Variants in DIRAS2 observed in about 807,000 individuals in gnomAD.
DIRAS2 encodes the protein GTP-binding protein Di-Ras2.
In DIRAS2, 5 loss-of-function variants were observed where a neutral mutation model predicts 13.9. The observed-to-expected ratio is 0.36, with a 90% CI of 0.19 to 0.76. The LOEUF (loss-of-function observed/expected upper bound fraction) is 0.76, where lower values mean the gene tolerates loss of function less well. Among genes scored for constraint, DIRAS2 ranks in the 30% least tolerant of loss-of-function variants. The pLI is 0.53. For synonymous variants in DIRAS2, 111 were observed against 105.4 expected (o/e 1.05, Z -0.33); for missense variants, 191 against 263.0 (o/e 0.73, Z 1.89).
At chr9:90,618,177 A>G (rs1825186632) in intron 1 of DIRAS2, among the ~76,000 whole-genome samples, 1 of 152,236 alleles carries the variant, frequency 6.6e-6, no homozygotes, top group African/African-American at 2.4e-5. Flanking sequence ...ACTCACGACA[A>G]GGATATAATA....
chr9:90,639,034 C>G (rs185283272), intron 1 of DIRAS2, among the ~76,000 whole-genome samples: 2 of 152,036 alleles, frequency 1.3e-5, no homozygotes, highest in Non-Finnish European at 2.9e-5. Context: ...AAAGTTCTTG[C>G]GTTCTTATTT....
At chr9:90,630,195 G>C (rs77173105) in intron 1 of DIRAS2, among the ~76,000 whole-genome samples, 2,752 of 152,200 alleles carry the variant, frequency 0.018, 43 homozygotes, top group Middle Eastern at 0.1. Context: ...CCCAATGTCA[G>C]GTACATCAGA....
chr9:90,625,065 G>A (rs1489660688), intron 1 of DIRAS2, among the ~76,000 whole-genome samples: 2 of 152,224 alleles, frequency 1.3e-5, no homozygotes, highest in African/African-American at 4.8e-5. Flanking sequence ...TTGGTCAAGG[G>A]ACTGGTGACC....
chr9:90,633,400 A>G (rs981980269), intron 1 of DIRAS2, among the ~76,000 whole-genome samples: 1 of 152,178 alleles, frequency 6.6e-6, no homozygotes, highest in Non-Finnish European at 1.5e-5. Context: ...TGCTGAGAGA[A>G]TCCTGGACAA....
intron 1 of DIRAS2, among the ~76,000 whole-genome samples, chr9:90,614,306 A>ATGCG: frequency 7.4e-6 from 1 of 134,918 alleles, no homozygotes; most frequent in South Asian, 2.7e-4. Flanking sequence ...GGTCATCATA[A>ATGCG]TGTGTGTGTG....
chr9:90,637,410 G>A (rs1825381187), intron 1 of DIRAS2, among the ~76,000 whole-genome samples: 3 of 152,170 alleles, frequency 2.0e-5, no homozygotes, highest in Non-Finnish European at 2.9e-5. Context: ...GAAAACTCCT[G>A]TAAATGGAAC....
chr9:90,627,251 C>A (rs943446174), intron 1 of DIRAS2, among the ~76,000 whole-genome samples: 16 of 152,070 alleles, frequency 1.1e-4, no homozygotes, highest in Non-Finnish European at 2.1e-4. Flanking sequence ...AACCATGAGC[C>A]AACTAAGCCT....
intron 1 of DIRAS2, among the ~76,000 whole-genome samples, chr9:90,638,006 T>A (rs2035077): frequency 0.56 from 85,269 of 152,054 alleles, 24,134 homozygotes; most frequent in Middle Eastern, 0.66. Flanking sequence ...ATGTTATCTA[T>A]TTTTAATTGT....
intron 1 of DIRAS2, among the ~76,000 whole-genome samples, chr9:90,641,513 C>T (rs1346315701): frequency 6.6e-6 from 1 of 152,160 alleles, no homozygotes; most frequent in African/African-American, 2.4e-5. Flanking sequence ...CTTCCTGTCC[C>T]CAGCCCACAA....
chr9:90,641,665 C>T (rs1825420581), intron 1 of DIRAS2, among the ~76,000 whole-genome samples: 1 of 152,138 alleles, frequency 6.6e-6, no homozygotes, highest in South Asian at 2.1e-4. Context: ...TCTCCCTCCC[C>T]CTCCACCTCC....
chr9:90,624,091 G>T (rs370984391), intron 1 of DIRAS2, among the ~76,000 whole-genome samples: 13 of 152,312 alleles, frequency 8.5e-5, no homozygotes, highest in African/African-American at 3.1e-4. Context: ...TCCGTGAAAT[G>T]TTATTAGCTT....
chr9:90,625,948 C>G (rs919059341), intron 1 of DIRAS2: 2 of 152,088 alleles, frequency 1.3e-5, no homozygotes, highest in African/African-American at 4.8e-5. Flanking sequence ...CTTTAGAAGA[C>G]TGGGGTGGAT....
intron 1 of DIRAS2, among the ~76,000 whole-genome samples, chr9:90,642,055 A>T (rs536213753): frequency 6.6e-6 from 1 of 152,224 alleles, no homozygotes; most frequent in African/African-American, 2.4e-5. Flanking sequence ...AAGAGGAAAA[A>T]CAGCATTTTT....
intron 1 of DIRAS2, among the ~76,000 whole-genome samples, chr9:90,632,971 T>C (rs535852876): frequency 1.3e-5 from 2 of 152,258 alleles, no homozygotes; most frequent in Admixed American, 6.5e-5. Flanking sequence ...CTCTCTGTTG[T>C]AGACGGATTA....
rs540186648 is a variant in DIRAS2, at chr9:90,612,173, AAC to A, written c.*1053_*1054del. Reference sequence around the variant, plus strand: ...TTTCCAATACAGATAGATCATCAAAAACACAGTGAATAACTTCTGTTTCAAAG... The same window carrying A: ...TTTCCAATACAGATAGATCATCAAAAACAGTGAATAACTTCTGTTTCAAAG... On this transcript the variant is annotated 3_prime_UTR_variant, in exon 2 of 2. Transcript: ENST00000375765. The A allele has an allele frequency of 1.3e-3, 199 of 152,788 alleles. No homozygotes were observed. Among genetic ancestry groups the A allele is most frequent in the African/African-American group, 4.6e-3 (190 of 41,596 alleles). The allele number at this position is 152,788 out of a possible 1,614,324, so 9.5% of individuals were successfully genotyped here.
chr9:90,615,459 A>G (rs1362405341), intron 1 of DIRAS2, among the ~76,000 whole-genome samples: 1 of 152,230 alleles, frequency 6.6e-6, no homozygotes, highest in East Asian at 1.9e-4. Context: ...GAGTTTGGTG[A>G]AGTTTATTAA....
chr9:90,637,396 T>G (rs1261250676), intron 1 of DIRAS2, among the ~76,000 whole-genome samples: 2 of 152,200 alleles, frequency 1.3e-5, no homozygotes, highest in East Asian at 3.8e-4. Context: ...AGCCTATCTG[T>G]AGAGAAAACT....
chr9:90,626,404 G>A (rs946222116), intron 1 of DIRAS2, among the ~76,000 whole-genome samples: 4 of 148,636 alleles, frequency 2.7e-5, no homozygotes, highest in East Asian at 2.0e-4. Flanking sequence ...CCAGGAGTTC[G>A]TGTCCAGCCT....
intron 1 of DIRAS2, among the ~76,000 whole-genome samples, chr9:90,631,779 C>A (rs181392551): frequency 6.6e-6 from 1 of 152,278 alleles, no homozygotes; most frequent in Non-Finnish European, 1.5e-5. Context: ...TCATATACCC[C>A]TCTCCTGCCT....
Sources: allele counts gnomAD v4.1 joint callset (sites outside exome capture counted in the v4.1 genomes callset), GRCh38; gene constraint gnomAD v4.1.1; transcripts MANE v1.5; gene names NCBI Gene and HGNC (gene_info 2026-07-23, HGNC 2026-07-21).